The following PHF3 variants were observed in gnomAD, a reference collection of about 807,000 sequenced individuals.
The protein encoded by PHF3 is PHD finger protein 3.
A neutral mutation model predicts 178.4 loss-of-function variants in PHF3; 41 were observed. The ratio of observed to expected loss-of-function variants is 0.23; its 90% confidence interval spans 0.18 to 0.30. The LOEUF (loss-of-function observed/expected upper bound fraction) is 0.30. Ranked by LOEUF, PHF3 falls within the 10% of genes least tolerant of loss-of-function variation. The pLI, the probability that PHF3 is intolerant of heterozygous loss-of-function variation, is 1.00. For synonymous variants in PHF3, 842 were observed against 800.5 expected (o/e 1.05, Z -0.88); for missense variants, 2,346 against 2,398.1 (o/e 0.98, Z 0.45).
intron 2 of PHF3, among the ~76,000 whole-genome samples, chr6:63,675,835 C>T (rs969213609): frequency 6.6e-6 from 1 of 152,096 alleles, no homozygotes; most frequent in Non-Finnish European, 1.5e-5. Flanking sequence ...CTTCACTTTC[C>T]TCCATTAAAC....
intron 13 of PHF3, 138 bp from the exon 14 acceptor site, chr6:63,709,013 C>A: frequency 2.0e-6 from 1 of 496,790 alleles, no homozygotes; most frequent in Non-Finnish European, 3.4e-6. Flanking sequence ...TTTTCCGATG[C>A]ATTTTTCATA....
intron 1 of PHF3, among the ~76,000 whole-genome samples, chr6:63,645,945 T>TG (rs1240903161): frequency 6.6e-6 from 1 of 152,112 alleles, no homozygotes; most frequent in African/African-American, 2.4e-5. Context: ...TTTGATTTGT[T>TG]GGGTTAATAG....
intron 2 of PHF3, among the ~76,000 whole-genome samples, chr6:63,648,504 CT>C (rs1445009375): frequency 6.6e-6 from 1 of 152,106 alleles, no homozygotes; most frequent in Non-Finnish European, 1.5e-5. Flanking sequence ...AATTCCACCC[CT>C]ATAGTAATAC....
rs1281145335 is a variant in PHF3, at chr6:63,724,059, G to A, written c.*10351G>A. Among the ~76,000 whole-genome samples the A allele has an allele frequency of 6.6e-6, 1 of 151,992 alleles. No homozygotes were observed. Among genetic ancestry groups the A allele is most frequent in the African/African-American group, 2.4e-5 (1 of 41,376 alleles). On this transcript the variant is annotated 3_prime_UTR_variant, in exon 16 of 16. Transcript: ENST00000262043. ...TGACTTCAGGTGATCCGCCCACCTC[G>A]GCCTCCCAAAGTGGTGGGATTACAG...
chr6:63,709,283 T>G (rs1277750467), intron 14 of PHF3, 43 bp downstream of exon 14: 1 of 1,269,092 alleles, frequency 7.9e-7, no homozygotes, highest in Non-Finnish European at 1.1e-6. Flanking sequence ...GGAAAATGTT[T>G]AGAAAGTAAA....
intron 3 of PHF3, 66 bp from the exon 4 acceptor site, chr6:63,684,063 G>A (rs892298640): frequency 2.0e-4 from 242 of 1,225,166 alleles, no homozygotes; most frequent in Non-Finnish European, 2.1e-4. Flanking sequence ...ATTCTAAATT[G>A]TATTGAAATA....
intron 2 of PHF3, among the ~76,000 whole-genome samples, chr6:63,670,102 C>G (rs1765847284): frequency 6.6e-6 from 1 of 152,018 alleles, no homozygotes; most frequent in Non-Finnish European, 1.5e-5. Context: ...CTGAAAAATG[C>G]TACTAATTGG....
At position 63,720,227 on chromosome 6, in the gene PHF3, A is replaced by G. The variant is rs1455918466; in HGVS notation, c.*6519A>G. 2 of 288,884 alleles carry G rather than the reference A, an allele frequency of 6.9e-6. No homozygotes were observed. The highest frequency in any genetic ancestry group is 5.4e-5 in the East Asian group (1 of 18,484). The allele number at this position is 288,884 out of a possible 1,614,324, so 17.9% of individuals were successfully genotyped here. A position where few individuals can be genotyped will look rare whatever the true frequency, so the allele number is the denominator to read the frequency against. The stretch of plus-strand genomic sequence containing the variant: ...CTATCCCTAATTCATTCCCAACTGA[A>G]TTTTAAACATTTTAAAGTTCAGCTT... On this transcript the variant is annotated 3_prime_UTR_variant, in exon 16 of 16. Transcript: ENST00000262043.
chr6:63,642,841 A>G (rs1764631417), intron 1 of PHF3, among the ~76,000 whole-genome samples: 1 of 152,152 alleles, frequency 6.6e-6, no homozygotes, highest in Non-Finnish European at 1.5e-5. Flanking sequence ...TTGGCTCCTA[A>G]TTTTCCCCCT....
At chr6:63,697,063 G>C (rs67674014) in intron 6 of PHF3, among the ~76,000 whole-genome samples, 1 of 151,856 alleles carries the variant, frequency 6.6e-6, no homozygotes, top group Admixed American at 6.5e-5. Context: ...AGAAAGAGAC[G>C]GCTAGAGAGA....
rs770343514 is a variant in PHF3, at chr6:63,713,507, G to A, written c.5919G>A (p.Arg1973=). The A allele has an allele frequency of 3.1e-6, 5 of 1,613,770 alleles. No homozygotes were observed. In the South Asian group the frequency reaches 4.4e-5, roughly 14 times the overall value. ...GGCACAAAGATAAAGAGAGGGCACG[G>A]TTATCACATGGTGATCGAGGAACAG... ...EEGHKDKERA[R]LSHGDRGTDG... is the part of the protein sequence containing the mutation. Residue 1973 remains arginine (R), a synonymous_variant, in exon 16 of 16, where the codon CGG becomes CGA. Coordinates refer to ENST00000262043, the MANE Select transcript of PHF3 (RefSeq NM_001370348.2).
rs1272219070 is a variant in PHF3, at chr6:63,685,738, C to T, written c.2016C>T (p.Pro672=). 6.2e-7 allele frequency: 1 copy of T among 1,614,058 alleles called. No individual in the cohort carries two copies. Residue 672 remains proline (P), a synonymous_variant, in exon 4 of 16, where the codon CCC becomes CCT. Coordinates refer to ENST00000262043, the MANE Select transcript of PHF3 (RefSeq NM_001370348.2). ...KLKKPEKNLQ[P]RQRRSSKSFS... ...AAAAACCTGAGAAGAACCTACAACC[C>T]CGCCAAAGAAGAAGCAGCAAAAGTT...
chr6:63,656,575 C>T lies in PHF3; in HGVS notation c.244+9780C>T, dbSNP rs1765243710. On this transcript the variant is annotated intron_variant, in intron 2 of 15. Coordinates refer to ENST00000262043, the MANE Select transcript of PHF3 (RefSeq NM_001370348.2). Reference sequence around the variant, plus strand: ...TTGGTCTATTGAATTCATTTTTCCCCTGGAGATTTGTTGCCCAGAGCCCCC... The same window carrying T: ...TTGGTCTATTGAATTCATTTTTCCCTTGGAGATTTGTTGCCCAGAGCCCCC... 2.0e-5 allele frequency among the ~76,000 whole-genome samples: 3 copies of T among 152,274 alleles called. No individual in the cohort carries two copies. In the South Asian group the frequency reaches 6.2e-4, roughly 32 times the overall value.
intron 2 of PHF3, among the ~76,000 whole-genome samples, chr6:63,648,116 T>G (rs1028482897): frequency 5.3e-5 from 8 of 152,200 alleles, no homozygotes; most frequent in African/African-American, 1.7e-4. Flanking sequence ...AACTTAAAAC[T>G]GAGGTCTTTT....
Position 63,715,600 on chromosome 6 carries a change from G to GT in PHF3, c.*1898dup, listed in dbSNP as rs1260092665. On this transcript the variant is annotated 3_prime_UTR_variant, in exon 16 of 16. Coordinates refer to ENST00000262043, the MANE Select transcript of PHF3 (RefSeq NM_001370348.2). ...GTTTTTGATCACCTCTTCGCTAATA[G>GT]TTTTTTCTACATATCTAAAATTCTT... 1 of 152,022 alleles carries GT rather than the reference G, an allele frequency of 6.6e-6. No homozygotes were observed. The allele number at this position is 152,022 out of a possible 1,614,324, so 9.4% of individuals were successfully genotyped here. A position where few individuals can be genotyped will look rare whatever the true frequency, so the allele number is the denominator to read the frequency against.
chr6:63,722,663 C>T lies in PHF3; in HGVS notation c.*8955C>T, dbSNP rs566328293. 4.7e-4 allele frequency among the ~76,000 whole-genome samples: 71 copies of T among 152,240 alleles called. No individual in the cohort carries two copies. Among genetic ancestry groups the T allele is most frequent in the African/African-American group, 1.7e-3 (70 of 41,544 alleles). ...GTCTCCACGAAACATTTTCTTCTCC[C>T]TCTGAAATTTCCCAACCTTTTTCTT... On this transcript the variant is annotated 3_prime_UTR_variant, in exon 16 of 16. Coordinates refer to ENST00000262043, the MANE Select transcript of PHF3 (RefSeq NM_001370348.2).
At chr6:63,681,446 T>C (rs1347900912) in intron 3 of PHF3, among the ~76,000 whole-genome samples, 1 of 152,106 alleles carries the variant, frequency 6.6e-6, no homozygotes, top group African/African-American at 2.4e-5. Flanking sequence ...TATTATTTGT[T>C]ACATAACAGG....
In PHF3 at chr6:63,709,162, T is replaced by C. The variant is rs751536309; in HGVS notation, c.3723T>C (p.Asp1241=). The C allele has an allele frequency of 2.5e-6, 4 of 1,583,176 alleles. No individual in the cohort carries two copies. The South Asian group carries it at 4.4e-5, about 18-fold the overall frequency. ...TTTTTTAACCATAGGACCTACCAGA[T>C]AGTATTCAAGTAGGTGGCAGGATAT... is the stretch of plus-strand genomic sequence containing the variant. ...SPEYLTEDLP[D]SIQVGGRISP... The change falls in exon 14 of 16, where the codon GAT becomes GAC. Residue 1241 remains aspartate (D), a synonymous_variant. Transcript: ENST00000262043.
At chr6:63,702,323 G>T (rs1767510397) in intron 9 of PHF3, 185 bp from the exon 10 acceptor site, 2 of 346,108 alleles carry the variant, frequency 5.8e-6, no homozygotes, top group South Asian at 6.6e-5. Flanking sequence ...TATAACCGCA[G>T]TACTTAAAAC....
Sources: allele counts gnomAD v4.1 joint callset (sites outside exome capture counted in the v4.1 genomes callset), GRCh38; gene constraint gnomAD v4.1.1; transcripts MANE v1.5; gene names NCBI Gene and HGNC (gene_info 2026-07-23, HGNC 2026-07-21).